PDSS1: variants seen among roughly 807,000 people sequenced by gnomAD.
The protein encoded by PDSS1 is all trans-polyprenyl-diphosphate synthase PDSS1.
PDSS1 carries 43 observed loss-of-function variants against 57.5 expected under a neutral mutation model. The observed-to-expected ratio is 0.75, with a 90% CI of 0.59 to 0.96. The LOEUF (loss-of-function observed/expected upper bound fraction) is 0.96, where lower values mean the gene tolerates loss of function less well. Among genes scored for constraint, PDSS1 ranks in the 50% least tolerant of loss-of-function variants. The pLI is 0.00. For synonymous variants in PDSS1, 175 were observed against 191.3 expected (o/e 0.91, Z 0.70); for missense variants, 438 against 527.8 (o/e 0.83, Z 1.67).
At chr10:26,733,271 G>T (rs985603412) in intron 8 of PDSS1, among the ~76,000 whole-genome samples, 4 of 152,018 alleles carry the variant, frequency 2.6e-5, no homozygotes, top group Non-Finnish European at 4.4e-5. Flanking sequence ...CACATCCCAG[G>T]CTGCCCAAAT....
At chr10:26,733,681 A>G (rs1013367897) in intron 8 of PDSS1, among the ~76,000 whole-genome samples, 1 of 152,108 alleles carries the variant, frequency 6.6e-6, no homozygotes. Context: ...ATTATTTGTA[A>G]TAATAGCAAA....
chr10:26,705,285 G>A lies in PDSS1; in HGVS notation c.228-1G>A. On this transcript the variant is annotated splice_acceptor_variant, in intron 3 of 11. Coordinates refer to ENST00000376215, the MANE Select transcript of PDSS1 (RefSeq NM_014317.5). LOFTEE classifies it high-confidence loss of function. ...GTCATGTGCATTTTTGCATGTCCCAGGTTTCATCACACAACCCCAGACAGT... is the reference window on the plus strand; with the variant it reads ...GTCATGTGCATTTTTGCATGTCCCAAGTTTCATCACACAACCCCAGACAGT... 1 of 1,583,960 alleles carries A rather than the reference G, an allele frequency of 6.3e-7. No homozygotes were observed. The highest frequency in any genetic ancestry group is 8.7e-7 in the Non-Finnish European group (1 of 1,152,856).
intron 3 of PDSS1, 113 bp from the exon 4 acceptor site, chr10:26,705,173 G>T: frequency 1.4e-6 from 1 of 701,468 alleles, no homozygotes; most frequent in Non-Finnish European, 2.6e-6. Flanking sequence ...TCAGATTCAT[G>T]ATTAATTTCT....
intron 8 of PDSS1, among the ~76,000 whole-genome samples, chr10:26,730,765 C>T (rs1368457621): frequency 6.6e-6 from 1 of 152,160 alleles, no homozygotes; most frequent in Non-Finnish European, 1.5e-5. Flanking sequence ...TCCTGGGTTT[C>T]GTTTAGCACA....
intron 8 of PDSS1, among the ~76,000 whole-genome samples, chr10:26,726,848 G>C (rs1835964898): frequency 6.6e-6 from 1 of 152,128 alleles, no homozygotes; most frequent in Non-Finnish European, 1.5e-5. Context: ...GATCACTTTA[G>C]TCCAGGATTT....
intron 8 of PDSS1, among the ~76,000 whole-genome samples, chr10:26,729,213 G>A (rs4749183): frequency 1.5e-4 from 23 of 152,232 alleles, no homozygotes; most frequent in African/African-American, 4.1e-4. Context: ...ATTTCTGGCA[G>A]GAGATATTCA....
intron 2 of PDSS1, 49 bp from the exon 3 acceptor site, chr10:26,704,628 A>G (rs1438800051): frequency 2.4e-6 from 2 of 828,636 alleles, no homozygotes; most frequent in Non-Finnish European, 4.3e-6. Context: ...CCAATGTTAC[A>G]GTTTTTCAGG....
Position 26,697,768 on chromosome 10 carries a change from G to A in PDSS1, c.57G>A (p.Arg19=), listed in dbSNP as rs1207354036. The A allele has an allele frequency of 1.5e-6, 2 of 1,292,158 alleles. No homozygotes were observed. The highest frequency in any genetic ancestry group is 2.0e-6 in the Non-Finnish European group (2 of 1,025,622). 80.0% of individuals were successfully genotyped at this position (1,292,158 alleles called of 1,614,324 possible). ...RRGCSWKPAA[R]SPGPGSPGRA... ...GCTGCTCCTGGAAGCCGGCGGCGCG[G>A]AGCCCCGGGCCCGGCTCCCCCGGCC... Residue 19 remains arginine (R), a synonymous_variant, in exon 1 of 12, where the codon CGG becomes CGA. Coordinates refer to ENST00000376215, the MANE Select transcript of PDSS1 (RefSeq NM_014317.5).
chr10:26,724,786 C>T (rs1197423), intron 8 of PDSS1, among the ~76,000 whole-genome samples: 131,313 of 152,098 alleles, frequency 0.86, 56,726 homozygotes, highest in East Asian at 0.93. Context: ...CCATGTTGGC[C>T]GGGCTGGTCT....
chr10:26,741,513 C>CA (rs1278613479), intron 10 of PDSS1, among the ~76,000 whole-genome samples: 1 of 151,946 alleles, frequency 6.6e-6, no homozygotes, highest in African/African-American at 2.4e-5. Flanking sequence ...AACAAAAAAA[C>CA]AAAAAACACT....
At chr10:26,740,035 G>A (rs544188660) in intron 10 of PDSS1, among the ~76,000 whole-genome samples, 2 of 152,042 alleles carry the variant, frequency 1.3e-5, no homozygotes, top group African/African-American at 4.8e-5. Flanking sequence ...CCAAGTACTC[G>A]GGAGGCTGAG....
intron 1 of PDSS1, among the ~76,000 whole-genome samples, chr10:26,698,473 G>C (rs1391585481): frequency 1.3e-5 from 2 of 152,168 alleles, no homozygotes; most frequent in Non-Finnish European, 2.9e-5. Flanking sequence ...GTCATCTAAA[G>C]TCAGAATCTC....
intron 3 of PDSS1, 127 bp from the exon 4 acceptor site, chr10:26,705,159 C>G (rs1241969939): frequency 5.8e-6 from 4 of 687,528 alleles, no homozygotes; most frequent in Non-Finnish European, 1.1e-5. Context: ...TTATAATGAC[C>G]TTTTCAGATT....
At chr10:26,702,273 G>T in intron 2 of PDSS1, 79 bp downstream of exon 2, 1 of 383,724 alleles carries the variant, frequency 2.6e-6, no homozygotes, top group Non-Finnish European at 5.2e-6. Context: ...AGGAATGATT[G>T]GTTTTGAAAA....
At chr10:26,701,717 A>G in intron 1 of PDSS1, 1 of 437,254 alleles carries the variant, frequency 2.3e-6, no homozygotes. Flanking sequence ...ACAGTGCAGA[A>G]AGGAAATGTG....
intron 5 of PDSS1, among the ~76,000 whole-genome samples, chr10:26,711,859 G>C (rs1345967827): frequency 1.0e-5 from 1 of 96,634 alleles, no homozygotes; most frequent in African/African-American, 3.4e-5. Flanking sequence ...TAGAGAATGT[G>C]TTTATATTTT....
intron 6 of PDSS1, among the ~76,000 whole-genome samples, chr10:26,722,203 T>C (rs532486959): frequency 6.6e-6 from 1 of 152,330 alleles, no homozygotes; most frequent in South Asian, 2.1e-4. Flanking sequence ...AGTGGGTACC[T>C]ATATATCATA....
intron 8 of PDSS1, among the ~76,000 whole-genome samples, chr10:26,726,881 G>A (rs1835966944): frequency 1.3e-5 from 2 of 152,004 alleles, no homozygotes; most frequent in South Asian, 4.1e-4. Flanking sequence ...GGCCAACATG[G>A]CAAAACCCCG....
Position 26,746,387 on chromosome 10 carries a change from A to G in PDSS1, c.1162A>G (p.Ile388Val), listed in dbSNP as rs749721462. The change falls in exon 12 of 12, where the codon ATA becomes GTA. Residue 388 changes from isoleucine to valine, a missense_variant. This residue lies in a region of PDSS1 where 284 missense variants were observed against 390.7 expected (regional missense o/e 0.73). Coordinates refer to ENST00000376215, the MANE Select transcript of PDSS1 (RefSeq NM_014317.5). Reference protein sequence around the residue: ...YLAQQYCHEAIREISKLRPSP... With the variant: ...YLAQQYCHEAVREISKLRPSP... ...CGCCCAGCAGTACTGCCATGAAGCAATAAGAGAGATCAGTAAACTTCGACC... is the reference window on the plus strand; with the variant it reads ...CGCCCAGCAGTACTGCCATGAAGCAGTAAGAGAGATCAGTAAACTTCGACC... The G allele has an allele frequency of 4.0e-5, 65 of 1,613,982 alleles. No homozygotes were observed. The East Asian group carries it at 1.2e-3, about 31-fold the overall frequency.
Sources: gnomAD v4.1 joint callset for allele counts (sites outside exome capture counted in the v4.1 genomes callset) on GRCh38, gnomAD v4.1.1 for gene constraint, gnomAD v4.1.1 regional missense constraint, MANE v1.5 for transcripts, NCBI Gene and HGNC (gene_info 2026-07-23, HGNC 2026-07-21) for gene names.